Variants in CDH18 observed in about 807,000 individuals in gnomAD.
The protein encoded by CDH18 is cadherin-18.
In CDH18, 31 loss-of-function variants were observed where a neutral mutation model predicts 67.9. The ratio of observed to expected loss-of-function variants is 0.46; its 90% confidence interval spans 0.34 to 0.62. The LOEUF is 0.62. Among genes scored for constraint, CDH18 ranks in the 20% least tolerant of loss-of-function variants. CDH18 has a pLI of 0.01. For synonymous variants in CDH18, 362 were observed against 347.2 expected (o/e 1.04, Z -0.48); for missense variants, 890 against 975.5 (o/e 0.91, Z 1.17).
rs139041791 is a variant in CDH18 at position 19,977,296 on chromosome 5, C to T, written c.-257+3764G>A. ...AGCAGATCAGATGCTGATGTAATCT[C>T]GGCAAACTGGTGCTTTCACAGGCTT... On this transcript the variant is annotated intron_variant, in intron 2 of 12. Coordinates refer to ENST00000382275, the MANE Select transcript of CDH18 (RefSeq NM_004934.5). 8.9e-3 allele frequency among the ~76,000 whole-genome samples: 1,349 copies of T among 152,254 alleles called. 23 individuals carry two copies. The highest frequency in any genetic ancestry group is 0.03 in the African/African-American group (1,260 of 41,560).
chr5:20,068,055 C>T (rs998026151), intron 2 of CDH18, among the ~76,000 whole-genome samples: 5 of 151,950 alleles, frequency 3.3e-5, no homozygotes, highest in African/African-American at 1.2e-4. Context: ...AAACCCCTGT[C>T]CCAATACACA....
intron 2 of CDH18, among the ~76,000 whole-genome samples, chr5:20,149,361 T>C (rs1750918896): frequency 6.6e-6 from 1 of 152,182 alleles, no homozygotes; most frequent in Non-Finnish European, 1.5e-5. Flanking sequence ...CATTTGAGAC[T>C]TCAGTTTTCC....
At position 19,472,337 on chromosome 5, in the gene CDH18, T is replaced by C. The variant is rs529588515; in HGVS notation, c.*889A>G. Among the ~76,000 whole-genome samples the C allele has an allele frequency of 2.0e-5, 3 of 152,158 alleles. No individual in the cohort carries two copies. The highest frequency in any genetic ancestry group is 3.9e-4 in the East Asian group (2 of 5,166). On this transcript the variant is annotated 3_prime_UTR_variant, in exon 13 of 13. Coordinates refer to ENST00000382275, the MANE Select transcript of CDH18 (RefSeq NM_004934.5). ...TAAATAGAGAAATGACCAAAATTGC[T>C]GATTTAAATATAATAAAACAAGTGG... is the stretch of plus-strand genomic sequence containing the variant.
At chr5:19,953,427 A>C (rs912654494) in intron 2 of CDH18, among the ~76,000 whole-genome samples, 2 of 152,000 alleles carry the variant, frequency 1.3e-5, no homozygotes, top group African/African-American at 4.8e-5. Context: ...ATAGGGTAAC[A>C]ATGAGCAATC....
intron 5 of CDH18, among the ~76,000 whole-genome samples, chr5:19,689,681 T>G (rs1329113639): frequency 6.6e-6 from 1 of 151,500 alleles, no homozygotes; most frequent in Non-Finnish European, 1.5e-5. Flanking sequence ...ACCAAAATGA[T>G]ACACAATAAG....
intron 2 of CDH18, among the ~76,000 whole-genome samples, chr5:19,869,767 C>G (rs1786020591): frequency 6.6e-6 from 1 of 152,050 alleles, no homozygotes; most frequent in Non-Finnish European, 1.5e-5. Context: ...GTATTTGGGA[C>G]AGCTAATGAG....
At chr5:20,060,698 T>A (rs1742393218) in intron 2 of CDH18, among the ~76,000 whole-genome samples, 2 of 152,134 alleles carry the variant, frequency 1.3e-5, no homozygotes, top group Admixed American at 6.5e-5. Flanking sequence ...GAAATTAAAT[T>A]GTCCTTTTTA....
chr5:20,159,856 T>G (rs1314587915), intron 2 of CDH18, among the ~76,000 whole-genome samples: 1 of 152,168 alleles, frequency 6.6e-6, no homozygotes, highest in African/African-American at 2.4e-5. Flanking sequence ...CCTACTGCAA[T>G]GCACAATCAC....
In CDH18 at chr5:19,954,150, G is replaced by A. The variant is rs545635369; in HGVS notation, c.-257+26910C>T. 2.6e-5 allele frequency among the ~76,000 whole-genome samples: 4 copies of A among 152,054 alleles called. No individual in the cohort carries two copies. In the East Asian group the frequency reaches 7.7e-4, roughly 29 times the overall value. ...CTCAAATCTAGCACTTGGATCATCT[G>A]GGATTATGAACTGATATTATGAATA... is the stretch of plus-strand genomic sequence containing the variant. On this transcript the variant is annotated intron_variant, in intron 2 of 12. Coordinates refer to ENST00000382275, the MANE Select transcript of CDH18 (RefSeq NM_004934.5).
At chr5:20,074,744 T>TG in intron 2 of CDH18, among the ~76,000 whole-genome samples, 2 of 151,600 alleles carry the variant, frequency 1.3e-5, no homozygotes, top group Non-Finnish European at 2.9e-5. Context: ...GTTTTTTTTT[T>TG]TGCATCATTA....
intron 1 of CDH18, among the ~76,000 whole-genome samples, chr5:20,554,362 C>A (rs1757792661): frequency 6.6e-6 from 1 of 152,110 alleles, no homozygotes; most frequent in South Asian, 2.1e-4. Context: ...AAAGGTTAAC[C>A]TTCTAGATAA....
intron 3 of CDH18, among the ~76,000 whole-genome samples, chr5:19,775,314 T>C (rs188451762): frequency 3.3e-5 from 5 of 152,294 alleles, no homozygotes; most frequent in African/African-American, 1.2e-4. Context: ...TGCATTGCTA[T>C]AAAGAAATAC....
intron 1 of CDH18, among the ~76,000 whole-genome samples, chr5:20,501,983 G>A (rs1479238463): frequency 6.6e-6 from 1 of 151,706 alleles, no homozygotes; most frequent in Non-Finnish European, 1.5e-5. Context: ...TGACAGATAT[G>A]AATTTGCTAT....
chr5:20,022,313 G>A (rs1738501526), intron 2 of CDH18, among the ~76,000 whole-genome samples: 7 of 152,174 alleles, frequency 4.6e-5, no homozygotes, highest in Admixed American at 4.6e-4. Flanking sequence ...GTAAGGTTTG[G>A]AACCTAATTT....
chr5:19,600,694 A>G (rs1478741918), intron 6 of CDH18, among the ~76,000 whole-genome samples: 1 of 151,990 alleles, frequency 6.6e-6, no homozygotes, highest in Non-Finnish European at 1.5e-5. Context: ...ACATGGGGAG[A>G]AATTTTTTCC....
chr5:20,129,277 C>A (rs1749073952), intron 2 of CDH18, among the ~76,000 whole-genome samples: 2 of 151,908 alleles, frequency 1.3e-5, no homozygotes, highest in Non-Finnish European at 2.9e-5. Context: ...ATATCTTTAT[C>A]AATTTTTTCA....
At chr5:20,138,105 G>T (rs1369682173) in intron 2 of CDH18, among the ~76,000 whole-genome samples, 1 of 152,014 alleles carries the variant, frequency 6.6e-6, no homozygotes, top group Non-Finnish European at 1.5e-5. Flanking sequence ...ACATCAAAAA[G>T]CTTATCCACC....
chr5:19,527,791 C>T (rs958908631), intron 9 of CDH18, among the ~76,000 whole-genome samples: 3 of 151,760 alleles, frequency 2.0e-5, no homozygotes, highest in Non-Finnish European at 3.0e-5. Flanking sequence ...AGTTATCATA[C>T]AAATTCTAGA....
intron 6 of CDH18, among the ~76,000 whole-genome samples, chr5:19,594,153 GTTTGT>G (rs918710340): frequency 5.9e-5 from 9 of 151,774 alleles, no homozygotes; most frequent in Middle Eastern, 3.4e-3. Flanking sequence ...TTTTTTGTTT[GTTTGT>G]TTTGTTTTGT....
Sources: gnomAD v4.1 joint callset for allele counts (sites outside exome capture counted in the v4.1 genomes callset) on GRCh38, gnomAD v4.1.1 for gene constraint, MANE v1.5 for transcripts, NCBI Gene and HGNC (gene_info 2026-07-23, HGNC 2026-07-21) for gene names.